MCC: variants seen among roughly 807,000 people sequenced by gnomAD.
MCC encodes the protein colorectal mutant cancer protein.
MCC carries 90 observed loss-of-function variants against 116.2 expected under a neutral mutation model. That is an observed-to-expected ratio of 0.77 (90% CI 0.65 to 0.92). MCC has a LOEUF of 0.92. Among genes scored for constraint, MCC ranks in the 40% least tolerant of loss-of-function variants. MCC has a pLI of 0.00. For missense variants in MCC, 1,516 were observed against 1,312.2 expected (o/e 1.16, Z -2.40); for synonymous variants, 578 against 510.5 (o/e 1.13, Z -1.78).
chr5:113,044,474 T>C, intron 16 of MCC: 1 of 983,884 alleles, frequency 1.0e-6, no homozygotes, highest in Non-Finnish European at 1.2e-6. Flanking sequence ...GGGGAAGGCA[T>C]TCATCGGATG....
At position 113,417,274 on chromosome 5, in the gene MCC, T is replaced by G. The variant is rs555946545; in HGVS notation, c.171-32062A>C. ...TGAGCCACCGCACCCAGCAGTGAAT[T>G]GCTTTTTTATGCTCCTGCCTAATAT... is the stretch of plus-strand genomic sequence containing the variant. On this transcript the variant is annotated intron_variant, in intron 1 of 18. Transcript: ENST00000408903. Among the ~76,000 whole-genome samples, 20 of 152,308 alleles carry G rather than the reference T, an allele frequency of 1.3e-4. No homozygotes were observed. The South Asian group carries it at 3.1e-3, about 24-fold the overall frequency.
intron 8 of MCC, among the ~76,000 whole-genome samples, chr5:113,091,971 GGGT>G (rs1034765591): frequency 3.3e-5 from 5 of 152,100 alleles, no homozygotes; most frequent in Admixed American, 2.6e-4. Context: ...GTGGGTCTGT[GGGT>G]GTTGTTCTGT....
intron 3 of MCC, among the ~76,000 whole-genome samples, chr5:113,270,706 G>C (rs372437971): frequency 1.1e-4 from 16 of 148,940 alleles, no homozygotes; most frequent in African/African-American, 3.5e-4. Flanking sequence ...TTTCCACTTA[G>C]AAAGTTGAGA....
At chr5:113,298,156 G>C (rs1236268192) in intron 3 of MCC, among the ~76,000 whole-genome samples, 2 of 152,192 alleles carry the variant, frequency 1.3e-5, no homozygotes, top group African/African-American at 4.8e-5. Flanking sequence ...GTGGTCTAAG[G>C]ATACTACCTT....
At chr5:113,374,378 C>T (rs1768929060) in intron 2 of MCC, among the ~76,000 whole-genome samples, 1 of 152,036 alleles carries the variant, frequency 6.6e-6, no homozygotes, top group Non-Finnish European at 1.5e-5. Flanking sequence ...GCTCAAACGT[C>T]AGGAGCCCTA....
chr5:113,255,020 C>G (rs1764954475), intron 3 of MCC, among the ~76,000 whole-genome samples: 1 of 152,162 alleles, frequency 6.6e-6, no homozygotes, highest in African/African-American at 2.4e-5. Context: ...CAAAAATTAG[C>G]TGGGCGTGGT....
At chr5:113,304,319 T>C (rs189187013) in intron 3 of MCC, among the ~76,000 whole-genome samples, 3 of 152,366 alleles carry the variant, frequency 2.0e-5, no homozygotes, top group Admixed American at 2.0e-4. Flanking sequence ...ACTTGAAGAC[T>C]ATTTCCAGAT....
intron 1 of MCC, among the ~76,000 whole-genome samples, chr5:113,451,225 C>A (rs561872616): frequency 4.6e-5 from 7 of 152,344 alleles, no homozygotes; most frequent in African/African-American, 1.4e-4. Context: ...AAGCCCACTA[C>A]ACTAGAAAGC....
chr5:113,333,871 ATTC>A (rs1767802560), intron 3 of MCC, among the ~76,000 whole-genome samples: 1 of 129,686 alleles, frequency 7.7e-6, no homozygotes, highest in East Asian at 2.5e-4. Flanking sequence ...GTATATATGT[ATTC>A]ACATATACAT....
chr5:113,211,969 C>T lies in MCC; in HGVS notation c.628-60547G>A, dbSNP rs536818188. ...ACCTAAATACACACACAGTAAAGTA[C>T]CTCTAATTTTCAAACACATGGAATA... On this transcript the variant is annotated intron_variant, in intron 3 of 18. Transcript: ENST00000408903. Among the ~76,000 whole-genome samples the T allele has an allele frequency of 3.9e-5, 6 of 152,184 alleles. No individual in the cohort carries two copies. The East Asian group carries it at 5.8e-4, about 15-fold the overall frequency.
Position 113,431,859 on chromosome 5 carries a change from G to A in MCC, c.171-46647C>T, listed in dbSNP as rs369388868. ...CTACTAAAAATACAAAAATTAGGGCGGGGTACAGTGGCTCACACCTGTAAT... is the reference window on the plus strand; with the variant it reads ...CTACTAAAAATACAAAAATTAGGGCAGGGTACAGTGGCTCACACCTGTAAT... On this transcript the variant is annotated intron_variant, in intron 1 of 18. Transcript: ENST00000408903. 1.5e-3 allele frequency among the ~76,000 whole-genome samples: 227 copies of A among 151,706 alleles called. 9 individuals are homozygous for A. In the South Asian group the frequency reaches 0.039, roughly 26 times the overall value.
chr5:113,370,164 G>C (rs1188030712), intron 2 of MCC, among the ~76,000 whole-genome samples: 1 of 152,170 alleles, frequency 6.6e-6, no homozygotes, highest in Non-Finnish European at 1.5e-5. Context: ...AATGGAGGGA[G>C]AATCTCCACA....
At chr5:113,107,381 C>G (rs1367400550) in intron 6 of MCC, among the ~76,000 whole-genome samples, 1 of 152,018 alleles carries the variant, frequency 6.6e-6, no homozygotes, top group African/African-American at 2.4e-5. Flanking sequence ...CCACACCTAG[C>G]TAATTTTTAT....
At chr5:113,301,184 G>A (rs545122922) in intron 3 of MCC, among the ~76,000 whole-genome samples, 7 of 152,316 alleles carry the variant, frequency 4.6e-5, no homozygotes, top group Non-Finnish European at 7.3e-5. Flanking sequence ...GATAGTTACA[G>A]GCCGGGCATG....
intron 2 of MCC, among the ~76,000 whole-genome samples, chr5:113,343,609 G>C (rs566511278): frequency 6.6e-6 from 1 of 152,170 alleles, no homozygotes; most frequent in Non-Finnish European, 1.5e-5. Flanking sequence ...AACAGACAGA[G>C]GGCTGGGCCT....
chr5:113,086,367 T>A (rs1305185162), intron 8 of MCC, among the ~76,000 whole-genome samples: 1 of 152,132 alleles, frequency 6.6e-6, no homozygotes, highest in African/African-American at 2.4e-5. Flanking sequence ...TTATTCAATA[T>A]GTGTGTTTTA....
At chr5:113,120,686 G>A (rs1757686081) in intron 6 of MCC, among the ~76,000 whole-genome samples, 1 of 152,168 alleles carries the variant, frequency 6.6e-6, no homozygotes, top group Admixed American at 6.5e-5. Context: ...GAATTTAGTG[G>A]GAGAATCAGT....
At chr5:113,059,321 T>C (rs1753054524) in intron 14 of MCC, among the ~76,000 whole-genome samples, 1 of 152,178 alleles carries the variant, frequency 6.6e-6, no homozygotes, top group Non-Finnish European at 1.5e-5. Context: ...CGAGGTTAAT[T>C]ACAATTCTGC....
intron 3 of MCC, among the ~76,000 whole-genome samples, chr5:113,264,955 T>C (rs185877757): frequency 0.01 from 1,593 of 152,160 alleles, 18 homozygotes; most frequent in Non-Finnish European, 0.017. Context: ...GGCAGGAGAA[T>C]CGCTTAACTT....
Sources: gnomAD v4.1 joint callset for allele counts (sites outside exome capture counted in the v4.1 genomes callset) on GRCh38, gnomAD v4.1.1 for gene constraint, MANE v1.5 for transcripts, NCBI Gene and HGNC (gene_info 2026-07-23, HGNC 2026-07-21) for gene names.